Variants in MEI4 observed in about 807,000 individuals in gnomAD.
MEI4 encodes the protein meiotic double-stranded break formation protein 4, also known as meiosis-specific protein MEI4.
MEI4 carries 27 observed loss-of-function variants against 31.4 expected under a neutral mutation model. The observed-to-expected ratio is 0.86, with a 90% CI of 0.63 to 1.19. The LOEUF (loss-of-function observed/expected upper bound fraction) is 1.19, where lower values mean the gene tolerates loss of function less well. Among genes scored for constraint, MEI4 ranks in the 50% most tolerant of loss-of-function variants. The probability of loss-of-function intolerance (pLI) is 0.00; values close to 1 mark genes in which losing one functional copy is unlikely to be tolerated. For missense variants in MEI4, 329 were observed against 398.9 expected (o/e 0.82, Z 1.49); for synonymous variants, 122 against 145.4 (o/e 0.84, Z 1.16).
At chr6:77,653,293 T>G (rs1768331928) in intron 1 of MEI4, among the ~76,000 whole-genome samples, 1 of 152,200 alleles carries the variant, frequency 6.6e-6, no homozygotes, top group Non-Finnish European at 1.5e-5. Context: ...AGAAAAGGGT[T>G]TTGGGTATGG....
At chr6:77,786,562 T>C (rs1165196775) in intron 3 of MEI4, among the ~76,000 whole-genome samples, 1 of 152,002 alleles carries the variant, frequency 6.6e-6, no homozygotes, top group Non-Finnish European at 1.5e-5. Context: ...TGCTAGGAAA[T>C]GTAATAAGAC....
chr6:77,811,590 C>G (rs1769574722), intron 3 of MEI4, among the ~76,000 whole-genome samples: 1 of 152,046 alleles, frequency 6.6e-6, no homozygotes, highest in Non-Finnish European at 1.5e-5. Flanking sequence ...TCCTGGCCAA[C>G]ATGGTGAAAC....
intron 2 of MEI4, among the ~76,000 whole-genome samples, chr6:77,743,680 A>T (rs1373795968): frequency 6.6e-6 from 1 of 150,812 alleles, no homozygotes; most frequent in Non-Finnish European, 1.5e-5. Flanking sequence ...TGGGTCCCTG[A>T]CCCCTGACCC....
intron 2 of MEI4, among the ~76,000 whole-genome samples, chr6:77,733,080 A>G (rs957884145): frequency 1.3e-5 from 2 of 151,818 alleles, no homozygotes; most frequent in African/African-American, 4.9e-5. Flanking sequence ...ATATTGATCT[A>G]AAATTCTCTT....
intron 3 of MEI4, among the ~76,000 whole-genome samples, chr6:77,807,791 C>T (rs1026873512): frequency 6.6e-6 from 1 of 152,130 alleles, no homozygotes; most frequent in Non-Finnish European, 1.5e-5. Flanking sequence ...GTATTATGGT[C>T]ATGCATTTTG....
chr6:77,895,894 C>T (rs953679571), intron 4 of MEI4, among the ~76,000 whole-genome samples: 1 of 152,062 alleles, frequency 6.6e-6, no homozygotes, highest in Admixed American at 6.6e-5. Flanking sequence ...CTTGTTCTTT[C>T]ACATAATAAA....
At chr6:77,698,844 A>T (rs1391770188) in intron 2 of MEI4, among the ~76,000 whole-genome samples, 1 of 152,110 alleles carries the variant, frequency 6.6e-6, no homozygotes, top group Non-Finnish European at 1.5e-5. Context: ...GTTCTCCTGG[A>T]TAATATCCTG....
Position 77,925,748 on chromosome 6 carries a change from T to C in MEI4, c.*2402T>C, listed in dbSNP as rs1359625428. On this transcript the variant is annotated 3_prime_UTR_variant, in exon 5 of 5. Transcript: ENST00000684080. ...TTGCTATAACTCTTATACTATTTAATATAAGCTATAATAAATATATGATAA... is the reference window on the plus strand; with the variant it reads ...TTGCTATAACTCTTATACTATTTAACATAAGCTATAATAAATATATGATAA... 3 of 148,960 alleles carry C rather than the reference T, an allele frequency of 2.0e-5. No individual in the cohort carries two copies. Among genetic ancestry groups the C allele is most frequent in the East Asian group, 2.0e-4 (1 of 5,098 alleles). The allele number at this position is 148,960 out of a possible 1,614,324, so 9.2% of individuals were successfully genotyped here.
At chr6:77,742,800 A>C (rs913190290) in intron 2 of MEI4, among the ~76,000 whole-genome samples, 4 of 151,930 alleles carry the variant, frequency 2.6e-5, no homozygotes, top group Non-Finnish European at 5.9e-5. Context: ...TTTTTGTATA[A>C]GGTGTAAGGA....
chr6:77,760,328 T>C, intron 2 of MEI4, among the ~76,000 whole-genome samples: 1 of 152,140 alleles, frequency 6.6e-6, no homozygotes, highest in East Asian at 1.9e-4. Context: ...TATGTGTGTA[T>C]GTGCATAATT....
intron 4 of MEI4, among the ~76,000 whole-genome samples, chr6:77,896,628 CACTT>C (rs1423117888): frequency 1.3e-5 from 2 of 152,028 alleles, no homozygotes; most frequent in East Asian, 1.9e-4. Context: ...GTTTAACACA[CACTT>C]ACACCTTCTT....
intron 4 of MEI4, among the ~76,000 whole-genome samples, chr6:77,916,492 T>G (rs6914870): frequency 0.39 from 58,803 of 151,864 alleles, 12,349 homozygotes; most frequent in African/African-American, 0.57. Flanking sequence ...TTGATCAGAT[T>G]CTGGGAGCAT....
chr6:77,837,087 A>T (rs1770235861), intron 4 of MEI4, among the ~76,000 whole-genome samples: 1 of 152,120 alleles, frequency 6.6e-6, no homozygotes, highest in Non-Finnish European at 1.5e-5. Flanking sequence ...CACATCACTG[A>T]ATGCCTTTTT....
chr6:77,733,271 T>A lies in MEI4; in HGVS notation c.233-27859T>A, dbSNP rs185899097. 9.2e-5 allele frequency among the ~76,000 whole-genome samples: 14 copies of A among 152,162 alleles called. No homozygotes were observed. The East Asian group carries it at 2.5e-3, about 27-fold the overall frequency. On this transcript the variant is annotated intron_variant, in intron 2 of 4. Coordinates refer to ENST00000684080, the MANE Select transcript of MEI4 (RefSeq NM_001322247.2). ...CCATCTGATCCTGGACTCTTTTTGG[T>A]TGGTAAGCTATTGATTACTGCCACA... is the stretch of plus-strand genomic sequence containing the variant.
Position 77,925,963 on chromosome 6 carries a change from C to A in MEI4, c.*2617C>A, listed in dbSNP as rs974884075. 6.6e-6 allele frequency: 1 copy of A among 151,580 alleles called. No homozygotes were observed. The highest frequency in any genetic ancestry group is 1.5e-5 in the Non-Finnish European group (1 of 67,856). 9.4% of individuals were successfully genotyped at this position (151,580 alleles called of 1,614,324 possible). ...CCCAGCACCTGTAATGAGAAAGGTA[C>A]GATTATTTCCTGAATCTGTATTTTA... On this transcript the variant is annotated 3_prime_UTR_variant, in exon 5 of 5. Transcript: ENST00000684080.
At chr6:77,699,751 GT>G (rs1320711113) in intron 2 of MEI4, among the ~76,000 whole-genome samples, 2 of 152,108 alleles carry the variant, frequency 1.3e-5, no homozygotes, top group Non-Finnish European at 2.9e-5. Flanking sequence ...GTACAGATGG[GT>G]TTTTGGTGTG....
intron 3 of MEI4, among the ~76,000 whole-genome samples, chr6:77,812,021 G>A (rs955899469): frequency 6.6e-6 from 1 of 152,088 alleles, no homozygotes; most frequent in African/African-American, 2.4e-5. Flanking sequence ...CCTGAGAGAT[G>A]TGTGTGGAAA....
At chr6:77,765,230 A>G (rs1768141460) in intron 3 of MEI4, among the ~76,000 whole-genome samples, 1 of 149,506 alleles carries the variant, frequency 6.7e-6, no homozygotes, top group Non-Finnish European at 1.5e-5. Context: ...TCTTTTTGTT[A>G]CTTTTCTCTT....
chr6:77,842,401 G>T (rs1045817408), intron 4 of MEI4, among the ~76,000 whole-genome samples: 1 of 152,078 alleles, frequency 6.6e-6, no homozygotes, highest in African/African-American at 2.4e-5. Context: ...ATTTTGTAAG[G>T]CAGTAATAAT....
Sources: gnomAD v4.1 joint callset for allele counts (sites outside exome capture counted in the v4.1 genomes callset) on GRCh38, gnomAD v4.1.1 for gene constraint, MANE v1.5 for transcripts, NCBI Gene and HGNC (gene_info 2026-07-23, HGNC 2026-07-21) for gene names.